SYNE2: variants seen among roughly 807,000 people sequenced by gnomAD.
SYNE2 encodes the protein nesprin-2.
A neutral mutation model predicts 856.3 loss-of-function variants in SYNE2; 431 were observed. That is an observed-to-expected ratio of 0.50 (90% CI 0.47 to 0.55). SYNE2 has a LOEUF of 0.55. Among genes scored for constraint, SYNE2 ranks in the 20% least tolerant of loss-of-function variants. The pLI is 0.00. For synonymous variants in SYNE2, 2,923 were observed against 2,872.3 expected (o/e 1.02, Z -0.56); for missense variants, 8,129 against 8,023.2 (o/e 1.01, Z -0.50).
chr14:64,023,892 A>C (rs1463315134), intron 38 of SYNE2: 1 of 281,844 alleles, frequency 3.5e-6, no homozygotes, highest in African/African-American at 2.2e-5. Context: ...GGGCCTTAAC[A>C]ATTGATGCCC....
intron 11 of SYNE2, among the ~76,000 whole-genome samples, chr14:63,973,204 A>T (rs1189134652): frequency 6.6e-6 from 1 of 152,198 alleles, no homozygotes; most frequent in African/African-American, 2.4e-5. Flanking sequence ...CAGTGAGCCG[A>T]GATATGTATC....
At chr14:63,805,529 A>G (rs11845009) in intron 1 of SYNE2, among the ~76,000 whole-genome samples, 96,072 of 151,970 alleles carry the variant, frequency 0.63, 30,839 homozygotes, top group South Asian at 0.75. Context: ...CTGGGACTAC[A>G]GGCGCCCGCC....
At position 64,223,315 on chromosome 14, in the gene SYNE2, G is replaced by A. The variant is rs2098703323; in HGVS notation, c.20317G>A (p.Glu6773Lys). Residue 6773 changes from glutamate to lysine, a missense_variant, in exon 113 of 116, where the codon GAG becomes AAG. Glu to Lys is a moderately conservative substitution (Grantham distance 56, BLOSUM62 1). This residue lies in a region of SYNE2 where 5,410 missense variants were observed against 5,284.8 expected (regional missense o/e 1.02). Coordinates refer to ENST00000555002, the MANE Select transcript of SYNE2 (RefSeq NM_182914.3). ...IEAEEKVHVI[E>K]KKLKQLREQV... is the part of the protein sequence containing the mutation. ...AGCTGAAGAAAAGGTGCATGTTATT[G>A]AGAAGAAACTCAAACAGTTACGGGA... The A allele has an allele frequency of 6.2e-7, 1 of 1,614,046 alleles. No homozygotes were observed. Among genetic ancestry groups the A allele is most frequent in the Admixed American group, 1.7e-5 (1 of 60,010 alleles).
chr14:63,865,274 G>C (rs1160539467), intron 1 of SYNE2, among the ~76,000 whole-genome samples: 1 of 131,704 alleles, frequency 7.6e-6, no homozygotes, highest in Non-Finnish European at 1.6e-5. Flanking sequence ...CAGGAACTGG[G>C]GGAGATGGCC....
chr14:64,122,668 T>TAAA, intron 70 of SYNE2: 1 of 625,294 alleles, frequency 1.6e-6, no homozygotes, highest in South Asian at 1.9e-5. Context: ...TGTTTGTTTA[T>TAAA]AGTCTGTATT....
At chr14:63,982,537 A>AT in intron 16 of SYNE2, 93 bp from the exon 17 acceptor site, 1 of 691,574 alleles carries the variant, frequency 1.4e-6, no homozygotes, top group Non-Finnish European at 2.0e-6. Flanking sequence ...AAAAAAAAAA[A>AT]GAAAAGAAAA....
rs749636885 is a variant in SYNE2, at chr14:64,075,994, T to G, written c.10916T>G (p.Met3639Arg). The G allele has an allele frequency of 1.2e-5, 20 of 1,613,828 alleles. 1 individual carries two copies. Among genetic ancestry groups the G allele is most frequent in the Non-Finnish European group, 1.5e-5 (18 of 1,179,874 alleles). ...GGGAAACTAACTTTTGAGAATATTA[T>G]GGAAAAACTGCGAATCAAGTATTCC... ...KKGKLTFENI[M>R]EKLRIKYSEM... is the part of the protein sequence containing the mutation. The change falls in exon 54 of 116, where the codon ATG becomes AGG. Residue 3639 changes from methionine (M) to arginine (R), a missense_variant. Physicochemically the swap from Met to Arg is moderately conservative, Grantham distance 91. This residue lies in a region of SYNE2 where 5,410 missense variants were observed against 5,284.8 expected (regional missense o/e 1.02). Transcript: ENST00000555002.
chr14:63,781,253 G>C (rs1887295697), intron 1 of SYNE2, among the ~76,000 whole-genome samples: 2 of 150,062 alleles, frequency 1.3e-5, no homozygotes, highest in African/African-American at 4.9e-5. Flanking sequence ...ACTCCAGCCT[G>C]TGCAACAAGA....
rs1190216538 is a variant in SYNE2, at chr14:64,110,192, G to T, written c.12609+2585G>T. ...GTAGAATTGACTGAAATATTAAGGAGAAAATGTAAAGGTTTGCTATTTTGG... is the reference window on the plus strand; with the variant it reads ...GTAGAATTGACTGAAATATTAAGGATAAAATGTAAAGGTTTGCTATTTTGG... On this transcript the variant is annotated intron_variant, in intron 65 of 115. Transcript: ENST00000555002. Among the ~76,000 whole-genome samples, 3 of 152,274 alleles carry T rather than the reference G, an allele frequency of 2.0e-5. No homozygotes were observed. The East Asian group carries it at 5.8e-4, about 29-fold the overall frequency.
chr14:63,899,907 A>G (rs2095312912), intron 1 of SYNE2, among the ~76,000 whole-genome samples: 1 of 152,246 alleles, frequency 6.6e-6, no homozygotes, highest in African/African-American at 2.4e-5. Context: ...AATAAATACC[A>G]TTTATATACT....
intron 50 of SYNE2, 78 bp downstream of exon 50, chr14:64,062,973 T>C (rs1218579067): frequency 1.1e-5 from 17 of 1,556,198 alleles, no homozygotes; most frequent in Non-Finnish European, 1.5e-5. Context: ...GCAGAGAATG[T>C]GGTCCTGTTA....
At chr14:63,803,391 AG>A (rs1595124799) in intron 1 of SYNE2, among the ~76,000 whole-genome samples, 1 of 152,220 alleles carries the variant, frequency 6.6e-6, no homozygotes, top group East Asian at 1.9e-4. Context: ...GGCGGGCTGC[AG>A]GTCCCGAGCC....
Position 64,052,814 on chromosome 14 carries a change from A to G in SYNE2, c.8901A>G (p.Leu2967=), listed in dbSNP as rs1284010822. The change falls in exon 48 of 116, where the codon CTA becomes CTG. Residue 2967 remains leucine, a synonymous_variant. Transcript: ENST00000555002. ...EEADSIQRNE[L]LLNQEVNKGV... ...CTGACAGTATACAGCGCAATGAACTATTACTTAATCAAGAAGTAAATAAAG... is the reference window on the plus strand; with the variant it reads ...CTGACAGTATACAGCGCAATGAACTGTTACTTAATCAAGAAGTAAATAAAG... 3.7e-6 allele frequency: 6 copies of G among 1,612,568 alleles called. No individual in the cohort carries two copies. The South Asian group carries it at 4.4e-5, about 12-fold the overall frequency.
At chr14:64,222,733 T>A (rs1262166828) in intron 112 of SYNE2, among the ~76,000 whole-genome samples, 2 of 151,870 alleles carry the variant, frequency 1.3e-5, no homozygotes, top group African/African-American at 4.8e-5. Context: ...CTCAAAAAAA[T>A]AAATAAATGA....
In SYNE2 at chr14:64,089,583, G is replaced by T. The variant is rs748080630; in HGVS notation, c.11680G>T (p.Ala3894Ser). The T allele has an allele frequency of 6.2e-7, 1 of 1,609,396 alleles. No homozygotes were observed. The change falls in exon 59 of 116, where the codon GCT (alanine) becomes TCT (serine). Residue 3894 changes from alanine (A) to serine (S), a missense_variant. Ala to Ser is a moderately conservative substitution (Grantham distance 99). Coordinates refer to ENST00000555002, the MANE Select transcript of SYNE2 (RefSeq NM_182914.3). ...TCTTCTGAAATTCTAGGATGTGGTT[G>T]CTATTGAATCTGAAGTAAAATCAAT... ...QIQRMADDVV[A>S]IESEVKSMEK...
At position 64,158,789 on chromosome 14, in the gene SYNE2, C is replaced by T; in HGVS notation, c.15957C>T (p.Asn5319=). The T allele has an allele frequency of 6.2e-7, 1 of 1,613,708 alleles. No homozygotes were observed. The highest frequency in any genetic ancestry group is 8.5e-7 in the Non-Finnish European group (1 of 1,179,804). ...AGACCTTGAGATGCCAGGTGGAGAA[C>T]CTTCAGGTAAATTAACCAGAGCTTG... is the stretch of plus-strand genomic sequence containing the variant. ...SLETLRCQVE[N]LQSLQDEAES... The change falls in exon 86 of 116, where the codon AAC becomes AAT. Residue 5319 remains asparagine (N), a synonymous_variant. Transcript: ENST00000555002.
intron 1 of SYNE2, among the ~76,000 whole-genome samples, chr14:63,900,034 T>A (rs1483090537): frequency 6.6e-6 from 1 of 152,252 alleles, no homozygotes; most frequent in African/African-American, 2.4e-5. Flanking sequence ...ATTCCCATTC[T>A]ACAGCAGTGG....
At chr14:64,199,998 C>T (rs943885045) in intron 99 of SYNE2, among the ~76,000 whole-genome samples, 12 of 152,032 alleles carry the variant, frequency 7.9e-5, no homozygotes, top group Non-Finnish European at 1.6e-4. Flanking sequence ...ACCCCCTCTG[C>T]GTGTTGCACA....
chr14:64,134,096 G>T lies in SYNE2; in HGVS notation c.14542G>T (p.Ala4848Ser). 1 of 1,614,032 alleles carries T rather than the reference G, an allele frequency of 6.2e-7. No individual in the cohort carries two copies. The highest frequency in any genetic ancestry group is 1.1e-5 in the South Asian group (1 of 91,080). ...QKWEEFDENY[A>S]SLEKDLEILI... ...ATGGGAAGAATTTGATGAAAACTAT[G>T]CATCTCTTGAAAAGGACCTGGAAAT... The change falls in exon 78 of 116, where the codon GCA (alanine) becomes TCA (serine). Residue 4848 changes from alanine to serine, a missense_variant. Physicochemically the swap from Ala to Ser is moderately conservative, Grantham distance 99. Transcript: ENST00000555002.
Sources: allele counts gnomAD v4.1 joint callset (sites outside exome capture counted in the v4.1 genomes callset), GRCh38; gene constraint gnomAD v4.1.1; regional missense constraint gnomAD v4.1.1; transcripts MANE v1.5; gene names NCBI Gene and HGNC (gene_info 2026-07-23, HGNC 2026-07-21).